Variants in RYR2 observed in about 807,000 individuals in gnomAD.
RYR2 encodes the protein ryanodine receptor 2.
RYR2 carries 227 observed loss-of-function variants against 601.1 expected under a neutral mutation model. That is an observed-to-expected ratio of 0.38 (90% CI 0.34 to 0.42). RYR2 has a LOEUF of 0.42. Among genes scored for constraint, RYR2 ranks in the 10% least tolerant of loss-of-function variants. RYR2 has a pLI of 1.00. For synonymous variants in RYR2, 2,223 were observed against 2,175.1 expected, an observed-to-expected ratio of 1.02 and a Z score of -0.61; for missense variants, 4,646 against 6,156.5, an observed-to-expected ratio of 0.75 and a Z score of 8.21.
At chr1:237,134,755 G>C (rs1366842808) in intron 1 of RYR2, among the ~76,000 whole-genome samples, 1 of 152,164 alleles carries the variant, frequency 6.6e-6, no homozygotes, top group East Asian at 1.9e-4. Flanking sequence ...CAAAATATTT[G>C]ATTCTATCAT....
chr1:237,110,127 T>C (rs979494127), intron 1 of RYR2, among the ~76,000 whole-genome samples: 2 of 152,240 alleles, frequency 1.3e-5, no homozygotes, highest in Non-Finnish European at 2.9e-5. Context: ...TGCTGACTTT[T>C]ACTCACTTAA....
rs1176205061 is a variant in RYR2 at position 237,793,856 on chromosome 1, T to C, written c.13783-11T>C. On this transcript the variant is annotated splice_polypyrimidine_tract_variant and intron_variant, in intron 94 of 104. Coordinates refer to ENST00000366574, the MANE Select transcript of RYR2 (RefSeq NM_001035.3). ...TAAACTAATTTTAACGTATTTATTT[T>C]TCCTATGTAGGTCCCATTGGTTATT... The C allele has an allele frequency of 6.3e-7, 1 of 1,593,152 alleles. No homozygotes were observed. The highest frequency in any genetic ancestry group is 1.3e-5 in the African/African-American group (1 of 74,606).
At chr1:237,200,174 C>A (rs1052932309) in intron 1 of RYR2, among the ~76,000 whole-genome samples, 1 of 152,204 alleles carries the variant, frequency 6.6e-6, no homozygotes, top group African/African-American at 2.4e-5. Context: ...AGTCTACCTT[C>A]ACCAGGCTAT....
intron 62 of RYR2, among the ~76,000 whole-genome samples, chr1:237,683,996 C>T (rs186956258): frequency 8.5e-5 from 13 of 152,142 alleles, no homozygotes; most frequent in African/African-American, 1.4e-4. Context: ...GGCATGATCT[C>T]GGCTCACTGC....
intron 8 of RYR2, among the ~76,000 whole-genome samples, chr1:237,383,527 T>C (rs1406592880): frequency 7.0e-6 from 1 of 143,238 alleles, no homozygotes; most frequent in Non-Finnish European, 1.5e-5. Context: ...CCTCCCGGGT[T>C]CACGCCATTC....
At chr1:237,797,143 A>C (rs897500798) in intron 96 of RYR2, among the ~76,000 whole-genome samples, 1 of 152,024 alleles carries the variant, frequency 6.6e-6, no homozygotes, top group African/African-American at 2.4e-5. Context: ...GGCCAAGAAG[A>C]GCTGTATCCC....
In RYR2 at chr1:237,506,543, GA is replaced by G. The variant is rs368515743; in HGVS notation, c.2614-152del. 4.5e-3 allele frequency among the ~76,000 whole-genome samples: 611 copies of G among 134,584 alleles called. 2 individuals are homozygous for G. The highest frequency in any genetic ancestry group is 5.2e-3 in the African/African-American group (189 of 36,444). 88.3% of individuals were successfully genotyped at this position (134,584 alleles called of 152,430 possible). ...ACAGAGTGAGACTCCGTCTCAAGGG[GA>G]AAAAAAAAAAAAAAGAATGTCGTGA... is the stretch of plus-strand genomic sequence containing the variant. On this transcript the variant is annotated intron_variant, in intron 22 of 104. Transcript: ENST00000366574.
chr1:237,097,532 T>C (rs1667617808), intron 1 of RYR2, among the ~76,000 whole-genome samples: 1 of 152,240 alleles, frequency 6.6e-6, no homozygotes, highest in Non-Finnish European at 1.5e-5. Flanking sequence ...TTTACAAAGA[T>C]TTAAACGTAA....
intron 24 of RYR2, among the ~76,000 whole-genome samples, chr1:237,514,813 A>G (rs1431556182): frequency 6.6e-6 from 1 of 152,154 alleles, no homozygotes; most frequent in East Asian, 1.9e-4. Context: ...TGCTTCATGG[A>G]ATTATTATAG....
At chr1:237,486,966 CAA>C (rs1011766836) in intron 17 of RYR2, among the ~76,000 whole-genome samples, 14 of 152,216 alleles carry the variant, frequency 9.2e-5, no homozygotes, top group Admixed American at 8.5e-4. Context: ...AAGGTTCTCT[CAA>C]ATCATTTCTA....
intron 1 of RYR2, among the ~76,000 whole-genome samples, chr1:237,264,091 G>GCACGCACACA (rs1688797538): frequency 6.8e-6 from 1 of 147,412 alleles, no homozygotes; most frequent in Non-Finnish European, 1.5e-5. Context: ...ACATGCACAT[G>GCACGCACACA]CACACACACA....
intron 1 of RYR2, among the ~76,000 whole-genome samples, chr1:237,136,863 A>G (rs1672840971): frequency 6.6e-6 from 1 of 151,884 alleles, no homozygotes; most frequent in Non-Finnish European, 1.5e-5. Context: ...TAAAAATACA[A>G]AAAATTAGCT....
chr1:237,491,966 C>T (rs1473366619), intron 18 of RYR2, 42 bp downstream of exon 18: 1 of 842,874 alleles, frequency 1.2e-6, no homozygotes, highest in Non-Finnish European at 1.9e-6. Context: ...TTCTCAAATC[C>T]TTTTAGATAT....
In RYR2 at chr1:237,823,140, A is replaced by T. The variant is rs188557182; in HGVS notation, c.14590+3948A>T. Among the ~76,000 whole-genome samples the T allele has an allele frequency of 2.4e-4, 36 of 152,316 alleles. 1 individual carries two copies. The East Asian group carries it at 6.9e-3, about 29-fold the overall frequency. Reference sequence around the variant, plus strand: ...ACAGATCAATGAGAGAAAATTAACAAGGATATCCAGGACTTGAACTCAGCT... The same window carrying T: ...ACAGATCAATGAGAGAAAATTAACATGGATATCCAGGACTTGAACTCAGCT... On this transcript the variant is annotated intron_variant, in intron 101 of 104. Transcript: ENST00000366574.
intron 1 of RYR2, among the ~76,000 whole-genome samples, chr1:237,192,795 A>G (rs183582020): frequency 3.7e-4 from 57 of 152,264 alleles, no homozygotes; most frequent in African/African-American, 1.4e-3. Flanking sequence ...ATTTTACTTC[A>G]TTTAAATGTG....
chr1:237,232,709 G>T (rs577720158), intron 1 of RYR2, among the ~76,000 whole-genome samples: 1 of 152,210 alleles, frequency 6.6e-6, no homozygotes, highest in East Asian at 1.9e-4. Context: ...AGTCTTGGGA[G>T]ACTGAGCCCT....
intron 80 of RYR2, among the ~76,000 whole-genome samples, chr1:237,742,902 C>A (rs1360787979): frequency 6.6e-6 from 1 of 152,202 alleles, no homozygotes; most frequent in Non-Finnish European, 1.5e-5. Context: ...ATGCTCTCAG[C>A]TTTTAAATGT....
chr1:237,300,107 G>C (rs1004459565), intron 2 of RYR2, among the ~76,000 whole-genome samples: 11 of 152,142 alleles, frequency 7.2e-5, no homozygotes, highest in Admixed American at 2.0e-4. Context: ...ATCGGTACAA[G>C]TCACCTGATA....
At position 237,113,187 on chromosome 1, in the gene RYR2, ATTTTAT is replaced by A. The variant is rs532244369; in HGVS notation, c.48+70641_48+70646del. Among the ~76,000 whole-genome samples the A allele has an allele frequency of 2.0e-3, 299 of 151,236 alleles. 2 individuals are homozygous for A. Among genetic ancestry groups the A allele is most frequent in the African/African-American group, 6.8e-3 (280 of 41,232 alleles). ...TGTTGGCCTCTCTTTTATTTATTTT[ATTTTAT>A]TTTTATTTTTATTTTTATTTTTTGA... On this transcript the variant is annotated intron_variant, in intron 1 of 104. Coordinates refer to ENST00000366574, the MANE Select transcript of RYR2 (RefSeq NM_001035.3).
Sources: gnomAD v4.1 joint callset for allele counts (sites outside exome capture counted in the v4.1 genomes callset) on GRCh38, gnomAD v4.1.1 for gene constraint, MANE v1.5 for transcripts, NCBI Gene and HGNC (gene_info 2026-07-23, HGNC 2026-07-21) for gene names.